Variants in LCP2 observed in about 807,000 individuals in gnomAD.
The protein encoded by LCP2 is lymphocyte cytosolic protein 2, also known as 76 kDa tyrosine phosphoprotein.
A neutral mutation model predicts 74.5 loss-of-function variants in LCP2; 29 were observed. The observed-to-expected ratio is 0.39, with a 90% CI of 0.29 to 0.53. The LOEUF is 0.53. Among genes scored for constraint, LCP2 ranks in the 20% least tolerant of loss-of-function variants. The pLI, the probability that LCP2 is intolerant of heterozygous loss-of-function variation, is 0.72. For missense variants in LCP2, 604 were observed against 634.6 expected (o/e 0.95, Z 0.52); for synonymous variants, 228 against 229.5 (o/e 0.99, Z 0.06).
chr5:170,294,067 T>C (rs1478980751), intron 1 of LCP2, among the ~76,000 whole-genome samples: 1 of 152,216 alleles, frequency 6.6e-6, no homozygotes, highest in Non-Finnish European at 1.5e-5. Flanking sequence ...AGATGGGGAA[T>C]GAGAGGCACA....
chr5:170,288,400 C>T (rs563367955), intron 2 of LCP2, among the ~76,000 whole-genome samples: 1 of 152,212 alleles, frequency 6.6e-6, no homozygotes, highest in African/African-American at 2.4e-5. Flanking sequence ...AGACCTCAGG[C>T]CCTCTCAGTC....
At chr5:170,285,930 GTGCTCCC>G (rs1197116954) in intron 3 of LCP2, among the ~76,000 whole-genome samples, 2 of 152,168 alleles carry the variant, frequency 1.3e-5, no homozygotes, top group Admixed American at 6.5e-5. Flanking sequence ...ACCCAGCACT[GTGCTCCC>G]TGCTCCCTGT....
chr5:170,258,719 T>C (rs1761603921), intron 15 of LCP2, 147 bp downstream of exon 15: 2 of 552,470 alleles, frequency 3.6e-6, no homozygotes, highest in Non-Finnish European at 6.5e-6. Flanking sequence ...TTATGCAGTA[T>C]GCCAATTGAC....
intron 13 of LCP2, among the ~76,000 whole-genome samples, chr5:170,262,340 C>T (rs780491766): frequency 9.2e-5 from 14 of 152,148 alleles, no homozygotes; most frequent in Admixed American, 2.6e-4. Context: ...TTTGCTATAA[C>T]GAGGTTGGAA....
intron 2 of LCP2, 60 bp downstream of exon 2, chr5:170,293,250 G>A: frequency 6.6e-7 from 1 of 1,522,868 alleles, no homozygotes; most frequent in South Asian, 1.2e-5. Flanking sequence ...TGGCCCTGCA[G>A]CCATGGGGAA....
intron 3 of LCP2, among the ~76,000 whole-genome samples, chr5:170,280,850 A>G (rs1762087789): frequency 6.6e-6 from 1 of 152,140 alleles, no homozygotes; most frequent in South Asian, 2.1e-4. Flanking sequence ...TCTGCTAACA[A>G]TACAAAAATT....
chr5:170,278,634 C>T (rs950294920), intron 3 of LCP2, among the ~76,000 whole-genome samples: 1 of 152,052 alleles, frequency 6.6e-6, no homozygotes, highest in African/African-American at 2.4e-5. Flanking sequence ...TCAACGCCCT[C>T]CTCCTACAGA....
intron 2 of LCP2, among the ~76,000 whole-genome samples, chr5:170,289,684 TCTTTCTTTCTTTCTTTCC>T (rs1243506919): frequency 2.2e-5 from 3 of 137,554 alleles, no homozygotes; most frequent in African/African-American, 5.6e-5. Flanking sequence ...TCTCTCTCTC[TCTTTCTTTCTTTCTTTCC>T]TTCTTTCTTT....
chr5:170,291,091 A>G (rs1330068053), intron 2 of LCP2, among the ~76,000 whole-genome samples: 1 of 150,706 alleles, frequency 6.6e-6, no homozygotes, highest in Admixed American at 6.6e-5. Flanking sequence ...AAGAAAGAAG[A>G]CAGGGAAGGA....
At chr5:170,273,012 T>C (rs59104386) in intron 6 of LCP2, among the ~76,000 whole-genome samples, 28,060 of 149,664 alleles carry the variant, frequency 0.19, 3,494 homozygotes, top group East Asian at 0.39. Context: ...GCCTGATTCA[T>C]GAATCACTGT....
chr5:170,279,002 T>C (rs879793844), intron 3 of LCP2, among the ~76,000 whole-genome samples: 3 of 152,164 alleles, frequency 2.0e-5, no homozygotes, highest in Non-Finnish European at 2.9e-5. Flanking sequence ...CTATGGCTAT[T>C]GCTAGGTGCA....
In LCP2 at chr5:170,270,792, G is replaced by A. The variant is rs559451042; in HGVS notation, c.450C>T (p.Ser150=). 2.5e-6 allele frequency: 4 copies of A among 1,609,610 alleles called. No individual in the cohort carries two copies. The South Asian group carries it at 3.3e-5, about 13-fold the overall frequency. ...EDDADYEPPP[S]NDEEALQNSI... ...AGTTCTGCAGAGCTTCCTCGTCATT[G>A]GAGGGTGGCGGCTCATAATCCGCGT... Residue 150 remains serine, a synonymous_variant, in exon 7 of 21, where the codon TCC becomes TCT. Transcript: ENST00000046794.
chr5:170,255,698 T>C (rs1761537537), intron 17 of LCP2, among the ~76,000 whole-genome samples: 1 of 152,206 alleles, frequency 6.6e-6, no homozygotes, highest in Non-Finnish European at 1.5e-5. Context: ...AAATTAGTCC[T>C]GCCCCAGTGC....
chr5:170,252,499 C>T lies in LCP2; in HGVS notation c.1258G>A (p.Glu420Lys). Residue 420 changes from glutamate (E) to lysine (K), a missense_variant, in exon 19 of 21, where the codon GAA becomes AAA. Physicochemically the swap from Glu to Lys is moderately conservative, Grantham distance 56. Coordinates refer to ENST00000046794, the MANE Select transcript of LCP2 (RefSeq NM_005565.5). ...SPAEEENSLN[E>K]EWYVSYITRP... ...GTAATATAAGAAACGTACCACTCTT[C>T]ATTTAATGAATTCTGAAAATGTAAA... 1.3e-6 allele frequency: 2 copies of T among 1,550,014 alleles called. No individual in the cohort carries two copies. The highest frequency in any genetic ancestry group is 1.8e-6 in the Non-Finnish European group (2 of 1,128,910).
chr5:170,262,241 G>A (rs901033166), intron 13 of LCP2, among the ~76,000 whole-genome samples: 2 of 152,078 alleles, frequency 1.3e-5, no homozygotes, highest in African/African-American at 4.8e-5. Flanking sequence ...CACTTGCGGT[G>A]ACCTGAAAAA....
chr5:170,288,775 C>T (rs1762228421), intron 2 of LCP2, among the ~76,000 whole-genome samples: 1 of 152,182 alleles, frequency 6.6e-6, no homozygotes, highest in African/African-American at 2.4e-5. Context: ...CATCCACAGT[C>T]TATTTTCTTC....
intron 7 of LCP2, among the ~76,000 whole-genome samples, chr5:170,269,561 C>A (rs1420809694): frequency 6.6e-6 from 1 of 152,264 alleles, no homozygotes; most frequent in Non-Finnish European, 1.5e-5. Flanking sequence ...TCTTCCCTTA[C>A]CACATCCATT....
chr5:170,273,919 ACG>A (rs1491414241), intron 6 of LCP2: 2 of 174,906 alleles, frequency 1.1e-5, no homozygotes, highest in African/African-American at 3.1e-5. Flanking sequence ...ATTTTTGGAG[ACG>A]GGGGGGTAGT....
chr5:170,260,776 G>A (rs988118984), intron 14 of LCP2, among the ~76,000 whole-genome samples: 22 of 152,226 alleles, frequency 1.4e-4, no homozygotes, highest in Non-Finnish European at 3.2e-4. Flanking sequence ...TGGAAATTTA[G>A]GCATGGTCCA....
Sources: allele counts gnomAD v4.1 joint callset (sites outside exome capture counted in the v4.1 genomes callset), GRCh38; gene constraint gnomAD v4.1.1; transcripts MANE v1.5; gene names NCBI Gene and HGNC (gene_info 2026-07-23, HGNC 2026-07-21).